Variants in TTLL11 observed in about 807,000 individuals in gnomAD.
TTLL11 encodes the protein tubulin polyglutamylase TTLL11.
TTLL11 carries 42 observed loss-of-function variants against 51.7 expected under a neutral mutation model. The ratio of observed to expected loss-of-function variants is 0.81; its 90% CI spans 0.64 to 1.05. The LOEUF is 1.05. Among genes scored for constraint, TTLL11 ranks in the 50% least tolerant of loss-of-function variants. TTLL11 has a pLI of 0.00. For missense variants in TTLL11, 799 were observed against 940.4 expected, an observed-to-expected ratio of 0.85 and a Z score of 1.97; for synonymous variants, 381 against 383.5, an observed-to-expected ratio of 0.99 and a Z score of 0.08.
At chr9:121,955,263 T>C in intron 6 of TTLL11, among the ~76,000 whole-genome samples, 1 of 152,356 alleles carries the variant, frequency 6.6e-6, no homozygotes, top group Admixed American at 6.5e-5. Context: ...AAAATGCATA[T>C]AGTTTGTGTG....
chr9:122,061,825 A>G (rs1480955015), intron 1 of TTLL11, among the ~76,000 whole-genome samples: 1 of 152,012 alleles, frequency 6.6e-6, no homozygotes, highest in Non-Finnish European at 1.5e-5. Flanking sequence ...TTTAGTAGAG[A>G]TGGGGTTTCA....
At chr9:122,010,126 TTTAG>T (rs960846957) in intron 3 of TTLL11, among the ~76,000 whole-genome samples, 6 of 152,194 alleles carry the variant, frequency 3.9e-5, no homozygotes, top group Admixed American at 2.0e-4. Flanking sequence ...CCTTCTAATG[TTTAG>T]TTAATCTGAC....
intron 6 of TTLL11, among the ~76,000 whole-genome samples, chr9:121,899,406 C>CAT (rs1564295609): frequency 1.6e-5 from 2 of 123,122 alleles, no homozygotes; most frequent in African/African-American, 6.5e-5. Context: ...TATATATACA[C>CAT]ACACACACAC....
intron 6 of TTLL11, among the ~76,000 whole-genome samples, chr9:121,889,911 G>A (rs4836870): frequency 0.48 from 68,796 of 143,840 alleles, 16,730 homozygotes; most frequent in Middle Eastern, 0.58. Flanking sequence ...GGCGGGGCGG[G>A]GGGGGAGGTG....
At chr9:121,862,375 T>C (rs1838038413) in intron 7 of TTLL11, among the ~76,000 whole-genome samples, 1 of 152,188 alleles carries the variant, frequency 6.6e-6, no homozygotes, top group East Asian at 1.9e-4. Context: ...CCTGCCCACA[T>C]GGTTGTGAGT....
intron 6 of TTLL11, among the ~76,000 whole-genome samples, chr9:121,910,688 T>C (rs1840085112): frequency 6.6e-6 from 1 of 152,226 alleles, no homozygotes; most frequent in African/African-American, 2.4e-5. Flanking sequence ...GTCTCTTTTT[T>C]AGGTAATACT....
chr9:122,000,224 G>A (rs985283463), intron 3 of TTLL11, among the ~76,000 whole-genome samples: 1 of 152,000 alleles, frequency 6.6e-6, no homozygotes, highest in African/African-American at 2.4e-5. Context: ...GTAATCCCAG[G>A]ACTTTGAGAG....
At chr9:121,903,932 G>A (rs1839849034) in intron 6 of TTLL11, among the ~76,000 whole-genome samples, 1 of 152,146 alleles carries the variant, frequency 6.6e-6, no homozygotes, top group Admixed American at 6.5e-5. Context: ...TTATAGCTGG[G>A]AGTTTGCAGG....
chr9:122,003,104 C>T (rs953345465), intron 3 of TTLL11, among the ~76,000 whole-genome samples: 9 of 152,030 alleles, frequency 5.9e-5, no homozygotes, highest in Admixed American at 3.9e-4. Context: ...TTCAGGATGT[C>T]AAGATAGAAT....
At chr9:121,972,975 C>G (rs1267208044) in intron 6 of TTLL11, among the ~76,000 whole-genome samples, 1 of 152,206 alleles carries the variant, frequency 6.6e-6, no homozygotes, top group African/African-American at 2.4e-5. Flanking sequence ...CTTTATTTGT[C>G]TGCGCTCATT....
intron 1 of TTLL11, among the ~76,000 whole-genome samples, chr9:122,054,069 T>C (rs1428213050): frequency 6.6e-6 from 1 of 152,038 alleles, no homozygotes; most frequent in East Asian, 1.9e-4. Flanking sequence ...TTCTTCATTA[T>C]TGCAAATATG....
At chr9:121,911,768 C>A (rs1036925359) in intron 6 of TTLL11, among the ~76,000 whole-genome samples, 1 of 151,814 alleles carries the variant, frequency 6.6e-6, no homozygotes, top group African/African-American at 2.4e-5. Flanking sequence ...CATCACACAC[C>A]GGGGTCTGTT....
chr9:122,049,027 G>A (rs1171436237), intron 1 of TTLL11, among the ~76,000 whole-genome samples: 4 of 149,502 alleles, frequency 2.7e-5, no homozygotes, highest in African/African-American at 9.8e-5. Flanking sequence ...AAAAAAGCAC[G>A]CACATGCACA....
rs1837711556 is a variant in TTLL11 at position 121,853,032 on chromosome 9, G to A, written c.1840+7305C>T. 6.6e-6 allele frequency among the ~76,000 whole-genome samples: 1 copy of A among 152,206 alleles called. No individual in the cohort carries two copies. Among genetic ancestry groups the A allele is most frequent in the Non-Finnish European group, 1.5e-5 (1 of 68,038 alleles). ...TGAAAATACTCTTCAATATTTCAGT[G>A]CATCGTTAACCAAATACATTTCAGC... On this transcript the variant is annotated intron_variant, in intron 8 of 8. Transcript: ENST00000321582. This position sits in a 1 kb window ranked among gnomAD's most constrained non-coding sequence, Gnocchi z 5.6.
At chr9:122,008,770 G>C (rs896864420) in intron 3 of TTLL11, among the ~76,000 whole-genome samples, 3 of 152,332 alleles carry the variant, frequency 2.0e-5, no homozygotes, top group African/African-American at 7.2e-5. Flanking sequence ...CATGATTTGC[G>C]ATAGCCAAGA....
intron 1 of TTLL11, among the ~76,000 whole-genome samples, chr9:122,090,009 C>T (rs568957976): frequency 4.7e-5 from 7 of 150,278 alleles, no homozygotes; most frequent in Admixed American, 2.0e-4. Flanking sequence ...CCAATGTGTT[C>T]TCTGAGTGGG....
chr9:121,870,683 G>C lies in TTLL11; in HGVS notation c.1547C>G (p.Ala516Gly), dbSNP rs945596875. The change falls in exon 7 of 9, where the codon GCT (alanine) becomes GGT (glycine). Residue 516 changes from alanine (A) to glycine (G), a missense_variant. Physicochemically the swap from Ala to Gly is moderately conservative, Grantham distance 60. Around this residue, in one of 3 missense-constraint regions of TTLL11, gnomAD observed 468 missense variants for 612.8 expected, o/e 0.76. Coordinates refer to ENST00000321582, the MANE Select transcript of TTLL11 (RefSeq NM_001139442.2). ...TTCGGGGTTGGCGTTGCAGTCTGGA[G>C]CACTGGTCAGCTCGCCGTCCAAAGC... is the stretch of plus-strand genomic sequence containing the variant. The part of the protein sequence containing the change: ...EDALDGELTS[A>G]PDCNANPEAH... 6.4e-7 allele frequency: 1 copy of C among 1,551,624 alleles called. No homozygotes were observed. The highest frequency in any genetic ancestry group is 1.4e-5 in the African/African-American group (1 of 73,050).
intron 8 of TTLL11, among the ~76,000 whole-genome samples, chr9:121,834,262 C>G (rs1837113611): frequency 6.6e-6 from 1 of 152,174 alleles, no homozygotes; most frequent in Admixed American, 6.5e-5. Flanking sequence ...CACAATCTCT[C>G]TAGGCCTGGG....
chr9:121,932,987 A>G (rs1841052124), intron 6 of TTLL11, among the ~76,000 whole-genome samples: 1 of 152,208 alleles, frequency 6.6e-6, no homozygotes, highest in African/African-American at 2.4e-5. Context: ...GAACCCACTT[A>G]AAAATGTATG....
Sources: allele counts gnomAD v4.1 joint callset (sites outside exome capture counted in the v4.1 genomes callset), GRCh38; gene constraint gnomAD v4.1.1; regional missense constraint gnomAD v4.1.1; non-coding constraint Gnocchi (gnomAD v3.1); transcripts MANE v1.5; gene names NCBI Gene and HGNC (gene_info 2026-07-23, HGNC 2026-07-21).